Variants in TMEM184B observed in about 807,000 individuals in gnomAD.
TMEM184B encodes transmembrane protein 184B.
Under a neutral mutation model 41.8 loss-of-function variants are expected in TMEM184B, and 17 were observed. The ratio of observed to expected loss-of-function variants is 0.41; its 90% CI spans 0.28 to 0.61. The LOEUF is 0.61. TMEM184B is among the 20% of genes least tolerant of loss of function. TMEM184B has a pLI of 0.34. For missense variants in TMEM184B, 393 were observed against 557.8 expected, an observed-to-expected ratio of 0.70 and a Z score of 2.98; for synonymous variants, 240 against 229.5, an observed-to-expected ratio of 1.05 and a Z score of -0.41.
At chr22:38,269,498 G>A (rs1216071135) in intron 1 of TMEM184B, among the ~76,000 whole-genome samples, 1 of 152,048 alleles carries the variant, frequency 6.6e-6, no homozygotes, top group African/African-American at 2.4e-5. Flanking sequence ...ACAGGCATGA[G>A]CCACCACGCC....
chr22:38,232,951 C>G (rs2091674374), intron 3 of TMEM184B, among the ~76,000 whole-genome samples: 2 of 152,180 alleles, frequency 1.3e-5, no homozygotes, highest in Admixed American at 1.3e-4. Context: ...GGTGAGTGCC[C>G]TCCTACCCAC....
chr22:38,243,346 C>T (rs952546811), intron 3 of TMEM184B, among the ~76,000 whole-genome samples: 1 of 152,160 alleles, frequency 6.6e-6, no homozygotes, highest in African/African-American at 2.4e-5. Flanking sequence ...TGGCTGTGTG[C>T]CCCGCCTTCT....
chr22:38,260,235 T>G (rs1195326375), intron 1 of TMEM184B, among the ~76,000 whole-genome samples: 3 of 152,060 alleles, frequency 2.0e-5, no homozygotes, highest in Admixed American at 2.0e-4. Flanking sequence ...TTTATATTTT[T>G]GTTAGAGACA....
rs1489665855 is a variant in TMEM184B, at chr22:38,219,348, C to T, written c.*2121G>A. On this transcript the variant is annotated 3_prime_UTR_variant, in exon 9 of 9. Transcript: ENST00000361906. The stretch of plus-strand genomic sequence containing the variant: ...ATAGATTTCTTCCTCACTTTATTTG[C>T]TCACTTCTGTCACGCATTTAAAATG... The T allele has an allele frequency of 1.0e-6, 1 of 985,658 alleles. No homozygotes were observed. The highest frequency in any genetic ancestry group is 1.1e-4 in the East Asian group (1 of 8,822). The allele number at this position is 985,658 out of a possible 1,614,324, so 61.1% of individuals were successfully genotyped here. A position where few individuals can be genotyped will look rare whatever the true frequency, so the allele number is the denominator to read the frequency against.
intron 1 of TMEM184B, among the ~76,000 whole-genome samples, chr22:38,250,967 AGCCAG>A (rs2092149152): frequency 6.6e-6 from 1 of 152,128 alleles, no homozygotes; most frequent in Non-Finnish European, 1.5e-5. Context: ...CCCAAATCAG[AGCCAG>A]GACTCAAGGC....
rs192917266 is a variant in TMEM184B at position 38,250,174 on chromosome 22, G to C, written c.-58-2155C>G. 5.6e-4 allele frequency among the ~76,000 whole-genome samples: 86 copies of C among 152,308 alleles called. 2 individuals carry two copies. In the East Asian group the frequency reaches 7.1e-3, roughly 13 times the overall value. On this transcript the variant is annotated intron_variant, in intron 1 of 8. Coordinates refer to ENST00000361906, the MANE Select transcript of TMEM184B (RefSeq NM_012264.5). ...ACGGAGGTTTCCCTGGGCCTTCCTG[G>C]GTGCGGCGGCCTGCAGCCTGGCCCC...
chr22:38,224,978 G>T lies in TMEM184B; in HGVS notation c.789C>A (p.Gly263=). The T allele has an allele frequency of 6.4e-7, 1 of 1,561,000 alleles. No individual in the cohort carries two copies. Residue 263 remains glycine, a splice_region_variant and synonymous_variant, in exon 8 of 9, where the codon GGC becomes GGA. Coordinates refer to ENST00000361906, the MANE Select transcript of TMEM184B (RefSeq NM_012264.5). ...ACTTCTCCAGGATGGCCAGGAGCAT[G>T]CCTGGATGGGGAGGCACGGGTGTCT... ...KSVIFLSFWQ[G]MLLAILEKCG...
At chr22:38,250,998 C>T (rs1454051841) in intron 1 of TMEM184B, among the ~76,000 whole-genome samples, 5 of 152,166 alleles carry the variant, frequency 3.3e-5, no homozygotes, top group Admixed American at 6.5e-5. Flanking sequence ...CCTATCAACA[C>T]GTTGTCTCCT....
chr22:38,263,657 C>A (rs998203731), intron 1 of TMEM184B, among the ~76,000 whole-genome samples: 3 of 152,112 alleles, frequency 2.0e-5, no homozygotes, highest in Non-Finnish European at 4.4e-5. Flanking sequence ...TTAACCCATC[C>A]GTAGAATAAA....
At chr22:38,250,790 C>T (rs1486138665) in intron 1 of TMEM184B, among the ~76,000 whole-genome samples, 2 of 152,214 alleles carry the variant, frequency 1.3e-5, no homozygotes, top group Non-Finnish European at 2.9e-5. Context: ...AGAGAGCAGA[C>T]CCGAGCCAGG....
chr22:38,266,458 G>T (rs903049222), intron 1 of TMEM184B, among the ~76,000 whole-genome samples: 4 of 152,226 alleles, frequency 2.6e-5, no homozygotes, highest in African/African-American at 9.6e-5. Flanking sequence ...TCACAGCTGG[G>T]TTTCCTGACT....
chr22:38,218,038 A>G (rs1200130833), downstream of TMEM184B, among the ~76,000 whole-genome samples: 4 of 152,118 alleles, frequency 2.6e-5, no homozygotes, highest in Non-Finnish European at 4.4e-5. Flanking sequence ...CCACCCAGAG[A>G]GGAAAAAACC....
chr22:38,272,421 C>T, intron 1 of TMEM184B: 3 of 968,734 alleles, frequency 3.1e-6, no homozygotes, highest in Non-Finnish European at 3.7e-6. Context: ...ACTCACGACG[C>T]AGCCCCGAAA....
At position 38,226,645 on chromosome 22, in the gene TMEM184B, A is replaced by AG; in HGVS notation, c.617+133dup. ...GTGTCCACTGCTGGGCTCAGACTTC[A>AG]GGGGGGTTGTGAGCACCAGACACCC... On this transcript the variant is annotated intron_variant, in intron 6 of 8. Coordinates refer to ENST00000361906, the MANE Select transcript of TMEM184B (RefSeq NM_012264.5). The surrounding 1 kb of genome is among the most constrained non-coding windows in gnomAD (Gnocchi z 4.6). 1 of 860,506 alleles carries AG rather than the reference A, an allele frequency of 1.2e-6. No individual in the cohort carries two copies. The highest frequency in any genetic ancestry group is 1.8e-6 in the Non-Finnish European group (1 of 552,784). 53.3% of individuals were successfully genotyped at this position (860,506 alleles called of 1,614,324 possible). A position where few individuals can be genotyped will look rare whatever the true frequency, so the allele number is the denominator to read the frequency against.
chr22:38,225,130 G>T lies in TMEM184B; in HGVS notation c.788-151C>A, dbSNP rs1056214070. On this transcript the variant is annotated intron_variant, in intron 7 of 8. Transcript: ENST00000361906. The surrounding 1 kb of genome is among the most constrained non-coding windows in gnomAD (Gnocchi z 4.4). ...TGCAGGGCAGGGGTAGCGACACAAGGCCACAGCCTCCGGAAACCCCACTCT... is the reference window on the plus strand; with the variant it reads ...TGCAGGGCAGGGGTAGCGACACAAGTCCACAGCCTCCGGAAACCCCACTCT... 2.0e-6 allele frequency: 2 copies of T among 986,696 alleles called. No homozygotes were observed. The highest frequency in any genetic ancestry group is 3.3e-5 in the African/African-American group (2 of 60,426). The allele number at this position is 986,696 out of a possible 1,614,324, so 61.1% of individuals were successfully genotyped here. A position where few individuals can be genotyped will look rare whatever the true frequency, so the allele number is the denominator to read the frequency against.
rs114287373 is a variant in TMEM184B, at chr22:38,222,383, C to T, written c.983-673G>A. The T allele has an allele frequency of 2.0e-3, 313 of 159,794 alleles. 1 individual carries two copies. Among genetic ancestry groups the T allele is most frequent in the African/African-American group, 7.2e-3 (299 of 41,648 alleles). 9.9% of individuals were successfully genotyped at this position (159,794 alleles called of 1,614,324 possible). ...TCAGCTTGTGAACTCTTGGAAACAT[C>T]GTGAAATGCCCCGATATCCCATGAA... On this transcript the variant is annotated intron_variant, in intron 8 of 8. Coordinates refer to ENST00000361906, the MANE Select transcript of TMEM184B (RefSeq NM_012264.5).
intron 3 of TMEM184B, among the ~76,000 whole-genome samples, chr22:38,243,048 C>CAAAAA (rs11394732): frequency 1.2e-5 from 1 of 84,498 alleles, no homozygotes; most frequent in Non-Finnish European, 2.5e-5. Context: ...GCAACGGTCT[C>CAAAAA]AAAAAAAAAA....
chr22:38,256,153 A>G (rs2092274812), intron 1 of TMEM184B, among the ~76,000 whole-genome samples: 1 of 151,920 alleles, frequency 6.6e-6, no homozygotes, highest in East Asian at 1.9e-4. Context: ...GAGTTTGAGA[A>G]CAGCTTGACC....
chr22:38,226,768 CCGCTGCTTACTCAAAGT>C lies in TMEM184B; in HGVS notation c.611_617+10del, dbSNP rs1198610831. On this transcript the variant is annotated splice_donor_variant and splice_donor_5th_base_variant and coding_sequence_variant and intron_variant, in exon 6 of 9. Coordinates refer to ENST00000361906, the MANE Select transcript of TMEM184B (RefSeq NM_012264.5). LOFTEE classifies it high-confidence loss of function. This position sits in a 1 kb window ranked among gnomAD's most constrained non-coding sequence, Gnocchi z 4.6. Reference sequence around the variant, plus strand: ...TCCTCCCACACACCCCGGGGAGCACCCGCTGCTTACTCAAAGTCCCCATCCCGGTACTTGCCGAAGGC... The same window carrying C: ...TCCTCCCACACACCCCGGGGAGCACCCCCCATCCCGGTACTTGCCGAAGGC... The C allele has an allele frequency of 6.3e-7, 1 of 1,588,252 alleles. No individual in the cohort carries two copies. The highest frequency in any genetic ancestry group is 8.6e-7 in the Non-Finnish European group (1 of 1,167,340).
Sources: gnomAD v4.1 joint callset for allele counts (sites outside exome capture counted in the v4.1 genomes callset) on GRCh38, gnomAD v4.1.1 for gene constraint, Gnocchi (gnomAD v3.1) non-coding constraint, MANE v1.5 for transcripts, NCBI Gene and HGNC (gene_info 2026-07-23, HGNC 2026-07-21) for gene names.